Variants in ATP6V0A4 observed in about 807,000 individuals in gnomAD.
ATP6V0A4 encodes the protein ATPase H+ transporting V0 subunit a4.
ATP6V0A4 carries 86 observed loss-of-function variants against 107.3 expected under a neutral mutation model. The observed-to-expected ratio is 0.80, with a 90% CI of 0.67 to 0.96. ATP6V0A4 has a LOEUF of 0.96. ATP6V0A4 is among the 40% of genes least tolerant of loss of function. The pLI, the probability that ATP6V0A4 is intolerant of heterozygous loss-of-function variation, is 0.00. For synonymous variants in ATP6V0A4, 353 were observed against 381.4 expected, an observed-to-expected ratio of 0.93 and a Z score of 0.87; for missense variants, 908 against 1,045.6, an observed-to-expected ratio of 0.87 and a Z score of 1.81.
intron 17 of ATP6V0A4, 31 bp from the exon 18 acceptor site, chr7:138,728,893 T>A (rs772850364): frequency 1.9e-6 from 3 of 1,613,832 alleles, no homozygotes; most frequent in African/African-American, 2.7e-5. Context: ...GATCTCATCA[T>A]TTTCACATGG....
Position 138,721,965 on chromosome 7 carries a change from G to A in ATP6V0A4, c.2071C>T (p.Pro691Ser). 6.2e-7 allele frequency: 1 copy of A among 1,614,174 alleles called. No homozygotes were observed. Among genetic ancestry groups the A allele is most frequent in the Non-Finnish European group, 8.5e-7 (1 of 1,180,038 alleles). Residue 691 changes from proline to serine, a missense_variant, in exon 19 of 22, where the codon CCT (proline) becomes TCT (serine). Coordinates refer to ENST00000310018, the MANE Select transcript of ATP6V0A4 (RefSeq NM_020632.3). ...TENIEGDSSS[P>S]SSRSGQRTSA... ...GTCCTCTGGCCAGAACGGCTAGAAG[G>A]GCTGGAGCTATCACCTTCAATGTTC...
chr7:138,744,296 G>C (rs947844783), intron 14 of ATP6V0A4, among the ~76,000 whole-genome samples: 3 of 148,902 alleles, frequency 2.0e-5, no homozygotes, highest in African/African-American at 7.5e-5. Context: ...GGAGTGCAAT[G>C]GTGTGATCTC....
At chr7:138,784,220 A>ATATATG (rs1808042915) in intron 2 of ATP6V0A4, among the ~76,000 whole-genome samples, 2 of 89,054 alleles carry the variant, frequency 2.2e-5, no homozygotes, top group Non-Finnish European at 2.0e-5. Context: ...AACATTATAT[A>ATATATG]TATATATATA....
At chr7:138,797,749 G>A (rs886655114) in intron 1 of ATP6V0A4, among the ~76,000 whole-genome samples, 2 of 152,090 alleles carry the variant, frequency 1.3e-5, no homozygotes, top group South Asian at 2.1e-4. Context: ...CTGCAGATGG[G>A]AGAGGCAGCA....
chr7:138,738,791 G>A (rs1805472050), intron 15 of ATP6V0A4, among the ~76,000 whole-genome samples: 1 of 152,162 alleles, frequency 6.6e-6, no homozygotes, highest in African/African-American at 2.4e-5. Flanking sequence ...CTAATTGTCA[G>A]CAACGAAAAC....
At chr7:138,768,748 AC>A in intron 5 of ATP6V0A4, 31 bp downstream of exon 5, 7 of 1,612,656 alleles carry the variant, frequency 4.3e-6, no homozygotes, top group Non-Finnish European at 5.1e-6. Context: ...GACTGTCCTT[AC>A]CTGGGGAGGC....
intron 1 of ATP6V0A4, among the ~76,000 whole-genome samples, chr7:138,797,723 A>G (rs900678908): frequency 6.6e-6 from 1 of 152,120 alleles, no homozygotes; most frequent in Non-Finnish European, 1.5e-5. Flanking sequence ...AATGGAATTG[A>G]GCATCCATGC....
At chr7:138,769,027 C>A in intron 4 of ATP6V0A4, 146 bp downstream of exon 4, 2 of 1,566,338 alleles carry the variant, frequency 1.3e-6, no homozygotes, top group Non-Finnish European at 1.7e-6. Flanking sequence ...CCCCAACCTC[C>A]CCCATTCCCT....
chr7:138,762,779 TG>T, intron 6 of ATP6V0A4, 120 bp downstream of exon 6: 1 of 1,216,528 alleles, frequency 8.2e-7, no homozygotes, highest in Non-Finnish European at 1.2e-6. Context: ...CCCTCACCAA[TG>T]GCCTAGCCAT....
intron 1 of ATP6V0A4, among the ~76,000 whole-genome samples, chr7:138,793,403 T>C (rs1421154166): frequency 3.9e-5 from 6 of 152,140 alleles, no homozygotes; most frequent in African/African-American, 1.4e-4. Flanking sequence ...AATTACAGCC[T>C]CAAATATTGA....
At chr7:138,715,382 G>T (rs1000344856) in intron 20 of ATP6V0A4, among the ~76,000 whole-genome samples, 2 of 152,098 alleles carry the variant, frequency 1.3e-5, no homozygotes, top group African/African-American at 4.8e-5. Flanking sequence ...TGTATTTTCA[G>T]TAGAGACGGG....
At position 138,745,902 on chromosome 7, in the gene ATP6V0A4, C is replaced by T. The variant is rs529741394; in HGVS notation, c.1321-622G>A. Among the ~76,000 whole-genome samples, 3 of 96,930 alleles carry T rather than the reference C, an allele frequency of 3.1e-5. No individual in the cohort carries two copies. The East Asian group carries it at 1.2e-3, about 39-fold the overall frequency. 63.6% of individuals were successfully genotyped at this position (96,930 alleles called of 152,430 possible). On this transcript the variant is annotated intron_variant, in intron 13 of 21. Transcript: ENST00000310018. ...GAGGTTGCAGTGAGCTGAGATTGCCCCACTGCCCTCCGGCCTGGGTGACAG... is the reference window on the plus strand; with the variant it reads ...GAGGTTGCAGTGAGCTGAGATTGCCTCACTGCCCTCCGGCCTGGGTGACAG...
intron 5 of ATP6V0A4, among the ~76,000 whole-genome samples, chr7:138,763,454 C>T (rs1806929935): frequency 6.6e-6 from 1 of 151,704 alleles, no homozygotes; most frequent in Admixed American, 6.6e-5. Flanking sequence ...GTGGTGAAAC[C>T]CCATCTCTAC....
chr7:138,789,231 TGTTGTTG>T (rs1808298474), intron 1 of ATP6V0A4, among the ~76,000 whole-genome samples: 1 of 150,294 alleles, frequency 6.7e-6, no homozygotes, highest in African/African-American at 2.4e-5. Flanking sequence ...GGTTTTTTTT[TGTTGTTG>T]TTGTTGTTTT....
intron 19 of ATP6V0A4, among the ~76,000 whole-genome samples, chr7:138,720,678 C>T (rs1018637256): frequency 0.026 from 1 of 38 alleles, no homozygotes; most frequent in Non-Finnish European, 0.042. Context: ...CTCTGTCGCC[C>T]AGGCTGGGAG....
intron 14 of ATP6V0A4, among the ~76,000 whole-genome samples, chr7:138,742,669 C>T (rs111977776): frequency 0.012 from 1,859 of 149,928 alleles, 29 homozygotes; most frequent in African/African-American, 0.043. Flanking sequence ...GAAGCACAGG[C>T]ATGTGCCACT....
chr7:138,729,507 G>C (rs1240476236), intron 17 of ATP6V0A4, among the ~76,000 whole-genome samples: 1 of 152,140 alleles, frequency 6.6e-6, no homozygotes, highest in African/African-American at 2.4e-5. Context: ...CCTTTGGAGT[G>C]AGGCAGCTGC....
At chr7:138,763,087 T>C (rs1806910773) in intron 5 of ATP6V0A4, 62 bp from the exon 6 acceptor site, 5 of 1,599,830 alleles carry the variant, frequency 3.1e-6, no homozygotes, top group Non-Finnish European at 4.3e-6. Flanking sequence ...CTGAAATACA[T>C]TACCCACAAC....
chr7:138,762,579 G>A, intron 6 of ATP6V0A4, 145 bp from the exon 7 acceptor site: 1 of 1,436,756 alleles, frequency 7.0e-7, no homozygotes, highest in Non-Finnish European at 9.3e-7. Context: ...AGTGCTCCTG[G>A]CCAGATCAAA....
Sources: allele counts gnomAD v4.1 joint callset (sites outside exome capture counted in the v4.1 genomes callset), GRCh38; gene constraint gnomAD v4.1.1; transcripts MANE v1.5; gene names NCBI Gene and HGNC (gene_info 2026-07-23, HGNC 2026-07-21).